The following AP2B1 variants were observed in gnomAD, a reference collection of about 807,000 sequenced individuals.
The protein encoded by AP2B1 is adaptor related protein complex 2 subunit beta 1.
In AP2B1, 23 loss-of-function variants were observed where a neutral mutation model predicts 102.0. The observed-to-expected ratio is 0.23, with a 90% CI of 0.16 to 0.32. The LOEUF is 0.32. Among genes scored for constraint, AP2B1 ranks in the 10% least tolerant of loss-of-function variants. The pLI is 1.00. For missense variants in AP2B1, 541 were observed against 1,157.4 expected, an observed-to-expected ratio of 0.47 and a Z score of 7.73; for synonymous variants, 381 against 421.2, an observed-to-expected ratio of 0.90 and a Z score of 1.17.
intron 18 of AP2B1, among the ~76,000 whole-genome samples, chr17:35,707,602 G>T (rs1265848321): frequency 6.6e-6 from 1 of 151,884 alleles, no homozygotes; most frequent in African/African-American, 2.4e-5. Flanking sequence ...ACAGCCACGC[G>T]CCTCCACGCC....
intron 2 of AP2B1, among the ~76,000 whole-genome samples, chr17:35,597,855 G>T (rs1160156450): frequency 6.6e-6 from 1 of 152,116 alleles, no homozygotes; most frequent in African/African-American, 2.4e-5. Context: ...GGTAATACGC[G>T]CCTGCTCCCT....
At chr17:35,614,573 CT>C (rs1161303682) in intron 5 of AP2B1, among the ~76,000 whole-genome samples, 1 of 145,894 alleles carries the variant, frequency 6.9e-6, no homozygotes, top group Non-Finnish European at 1.5e-5. Flanking sequence ...TCCAGACTGT[CT>C]ATCACTCTCA....
At chr17:35,610,784 A>G (rs1224969321) in intron 5 of AP2B1, among the ~76,000 whole-genome samples, 4 of 151,798 alleles carry the variant, frequency 2.6e-5, no homozygotes, top group East Asian at 3.9e-4. Flanking sequence ...GCAGGCGCCT[A>G]TCGTCCCAGC....
intron 1 of AP2B1, among the ~76,000 whole-genome samples, chr17:35,591,392 CG>C: frequency 6.6e-6 from 1 of 152,100 alleles, no homozygotes; most frequent in East Asian, 1.9e-4. Flanking sequence ...AGACTGGTCT[CG>C]ATCTCCTGAG....
intron 12 of AP2B1, among the ~76,000 whole-genome samples, chr17:35,642,244 G>A (rs781172916): frequency 6.6e-6 from 1 of 152,150 alleles, no homozygotes; most frequent in Non-Finnish European, 1.5e-5. Flanking sequence ...GACATACTTA[G>A]ATGAAAATGA....
chr17:35,700,023 G>T (rs1371774721), intron 18 of AP2B1, among the ~76,000 whole-genome samples: 1 of 152,094 alleles, frequency 6.6e-6, no homozygotes, highest in Non-Finnish European at 1.5e-5. Flanking sequence ...TTGAGCCCAG[G>T]AGGTCAAGGC....
At chr17:35,614,371 T>G (rs2073952258) in intron 5 of AP2B1, among the ~76,000 whole-genome samples, 1 of 152,040 alleles carries the variant, frequency 6.6e-6, no homozygotes, top group Non-Finnish European at 1.5e-5. Flanking sequence ...TTTTATTTTT[T>G]GTAGAGATGG....
At chr17:35,710,033 A>G (rs957319106) in intron 19 of AP2B1, among the ~76,000 whole-genome samples, 20 of 152,360 alleles carry the variant, frequency 1.3e-4, no homozygotes, top group Admixed American at 3.9e-4. Context: ...CTCTTTTCCA[A>G]TTATCCTAGT....
In AP2B1 at chr17:35,720,573, A is replaced by ATATT. The variant is rs1324333805; in HGVS notation, c.2782-3051_2782-3050insATTT. Among the ~76,000 whole-genome samples the ATATT allele has an allele frequency of 1.1e-3, 30 of 28,064 alleles. 1 individual carries two copies. The highest frequency in any genetic ancestry group is 6.3e-3 in the East Asian group (5 of 796). 18.4% of individuals were successfully genotyped at this position (28,064 alleles called of 152,430 possible). ...TATATATATATATATATATATATAT[A>ATATT]TTTTTTTTTTTTTTTTTTTTTTTTT... On this transcript the variant is annotated intron_variant, in intron 21 of 21. Coordinates refer to ENST00000610402, the MANE Select transcript of AP2B1 (RefSeq NM_001030006.2).
intron 18 of AP2B1, among the ~76,000 whole-genome samples, chr17:35,706,208 G>T (rs2065065484): frequency 6.6e-6 from 1 of 152,286 alleles, no homozygotes; most frequent in Admixed American, 6.5e-5. Context: ...TCCTCTGTTT[G>T]TCCAAAGGGT....
chr17:35,718,600 C>G (rs1295610639), intron 21 of AP2B1, among the ~76,000 whole-genome samples: 5 of 152,014 alleles, frequency 3.3e-5, no homozygotes, highest in African/African-American at 1.2e-4. Context: ...GTAATCCCAG[C>G]TACTGGAGAG....
chr17:35,643,391 G>A (rs1443770490), intron 12 of AP2B1, among the ~76,000 whole-genome samples: 1 of 152,160 alleles, frequency 6.6e-6, no homozygotes, highest in Admixed American at 6.5e-5. Flanking sequence ...AAGCAAGTAT[G>A]TTTAGTAGTT....
Position 35,674,244 on chromosome 17 carries a change from C to T in AP2B1, c.2247C>T (p.His749=), listed in dbSNP as rs749621069. ...GAACATTTACTCACCGCCAAGGGCA[C>T]ATCTATATGGAAATGAACTTCACCA... ...ISGTFTHRQG[H]IYMEMNFTNK... is the part of the protein sequence containing the mutation. Residue 749 remains histidine, a synonymous_variant, in exon 17 of 22, where the codon CAC becomes CAT. Transcript: ENST00000610402. The T allele has an allele frequency of 1.2e-6, 2 of 1,614,176 alleles. No homozygotes were observed. Among genetic ancestry groups the T allele is most frequent in the South Asian group, 2.2e-5 (2 of 91,088 alleles).
intron 6 of AP2B1, 85 bp downstream of exon 6, chr17:35,624,672 G>A: frequency 1.5e-6 from 2 of 1,343,932 alleles, no homozygotes; most frequent in Non-Finnish European, 2.0e-6. Flanking sequence ...AATCTGTTGA[G>A]GAAGGTCAGT....
chr17:35,697,106 C>T (rs1374216665), intron 18 of AP2B1, among the ~76,000 whole-genome samples: 1 of 152,214 alleles, frequency 6.6e-6, no homozygotes, highest in African/African-American at 2.4e-5. Flanking sequence ...TGCGTTCTAT[C>T]CTCTGACTCT....
Position 35,720,034 on chromosome 17 carries a change from A to T in AP2B1, c.2781+2685A>T, listed in dbSNP as rs1437519666. Reference sequence around the variant, plus strand: ...CAAATAGCCACCAAGTACTTGAAAGATGTCACTTTATAGAAGCAATGTGTG... The same window carrying T: ...CAAATAGCCACCAAGTACTTGAAAGTTGTCACTTTATAGAAGCAATGTGTG... On this transcript the variant is annotated intron_variant, in intron 21 of 21. Coordinates refer to ENST00000610402, the MANE Select transcript of AP2B1 (RefSeq NM_001030006.2). Among the ~76,000 whole-genome samples the T allele has an allele frequency of 3.3e-5, 5 of 152,184 alleles. No individual in the cohort carries two copies. In the South Asian group the frequency reaches 8.3e-4, roughly 25 times the overall value.
intron 5 of AP2B1, among the ~76,000 whole-genome samples, chr17:35,621,815 C>G (rs2142527483): frequency 6.6e-6 from 1 of 152,250 alleles, no homozygotes; most frequent in African/African-American, 2.4e-5. Flanking sequence ...TCCCCCTTCT[C>G]TCGTTTTCTT....
At chr17:35,680,693 T>TTG (rs2075801544) in intron 17 of AP2B1, among the ~76,000 whole-genome samples, 3 of 57,540 alleles carry the variant, frequency 5.2e-5, no homozygotes, top group African/African-American at 1.0e-4. Flanking sequence ...TTGGTTTTTT[T>TTG]TTTTTTGTTT....
chr17:35,652,235 A>C (rs2075105747), intron 13 of AP2B1, among the ~76,000 whole-genome samples: 1 of 152,216 alleles, frequency 6.6e-6, no homozygotes, highest in South Asian at 2.1e-4. Flanking sequence ...TGTTTTTTAA[A>C]AAAATGCAAG....
Sources: gnomAD v4.1 joint callset for allele counts (sites outside exome capture counted in the v4.1 genomes callset) on GRCh38, gnomAD v4.1.1 for gene constraint, MANE v1.5 for transcripts, NCBI Gene and HGNC (gene_info 2026-07-23, HGNC 2026-07-21) for gene names.